Variants in TBX5 observed in about 807,000 individuals in gnomAD.
TBX5 encodes T-box transcription factor 5.
A neutral mutation model predicts 51.1 loss-of-function variants in TBX5; 8 were observed. The ratio of observed to expected loss-of-function variants is 0.16; its 90% CI spans 0.09 to 0.28. The LOEUF is 0.28. TBX5 is among the 10% of genes least tolerant of loss of function. The pLI, the probability that TBX5 is intolerant of heterozygous loss-of-function variation, is 1.00. For synonymous variants in TBX5, 302 were observed against 266.4 expected (o/e 1.13, Z -1.30); for missense variants, 589 against 671.7 (o/e 0.88, Z 1.36).
chr12:114,396,961 A>G (rs1871466903), intron 5 of TBX5, among the ~76,000 whole-genome samples: 2 of 152,160 alleles, frequency 1.3e-5, no homozygotes, highest in African/African-American at 2.4e-5. Flanking sequence ...CGAGCGCTCC[A>G]AGCAGGCTGC....
chr12:114,372,218 T>C (rs748426067), intron 7 of TBX5, among the ~76,000 whole-genome samples: 3 of 152,200 alleles, frequency 2.0e-5, no homozygotes, highest in Non-Finnish European at 4.4e-5. Context: ...GTATAAAAGC[T>C]ACCCTTGTAC....
chr12:114,403,583 G>A (rs1361777688), intron 2 of TBX5, among the ~76,000 whole-genome samples, 169 bp downstream of exon 2: 2 of 152,346 alleles, frequency 1.3e-5, no homozygotes, highest in East Asian at 1.9e-4. Flanking sequence ...GGCAGAGAAA[G>A]GTGGAACTGA....
At chr12:114,377,573 T>C (rs1182013897) in intron 7 of TBX5, among the ~76,000 whole-genome samples, 4 of 151,668 alleles carry the variant, frequency 2.6e-5, no homozygotes, top group Admixed American at 2.6e-4. Flanking sequence ...TTTTTTTTTT[T>C]TATCTTTTTC....
intron 8 of TBX5, among the ~76,000 whole-genome samples, chr12:114,361,721 A>G (rs957337537): frequency 2.6e-5 from 4 of 152,296 alleles, no homozygotes; most frequent in South Asian, 2.1e-4. Flanking sequence ...AAAACCACCC[A>G]TGGAGTTATC....
rs141609745 is a variant in TBX5 at position 114,403,831 on chromosome 12, G to T, written c.68C>A (p.Pro23His). 494 of 1,614,098 alleles carry T rather than the reference G, an allele frequency of 3.1e-4. No individual in the cohort carries two copies. Among genetic ancestry groups the T allele is most frequent in the Non-Finnish European group, 4.0e-4 (467 of 1,180,024 alleles). The change falls in exon 2 of 9, where the codon CCC becomes CAC. Residue 23 changes from proline (P) to histidine (H), a missense_variant. Around this residue, in one of 7 missense-constraint regions of TBX5, gnomAD observed 101 missense variants for 83.3 expected, o/e 1.21. Coordinates refer to ENST00000405440, the MANE Select transcript of TBX5 (RefSeq NM_181486.4). ...CGCGCTCTCGGGTTTCGAATCGCAG[G>T]GCAGGTCTTTTGCGTCAGGCTCCAG... The part of the protein sequence containing the change: ...TPLEPDAKDL[P>H]CDSKPESALG...
chr12:114,378,886 T>C (rs1239140823), intron 7 of TBX5, among the ~76,000 whole-genome samples: 1 of 152,002 alleles, frequency 6.6e-6, no homozygotes, highest in Non-Finnish European at 1.5e-5. Context: ...CCCACCTGAG[T>C]GAGTCACATT....
At chr12:114,378,535 G>A (rs1185600235) in intron 7 of TBX5, among the ~76,000 whole-genome samples, 2 of 152,212 alleles carry the variant, frequency 1.3e-5, no homozygotes, top group Non-Finnish European at 2.9e-5. Context: ...GCCTGCTGAG[G>A]CAGTTTTAAA....
intron 2 of TBX5, among the ~76,000 whole-genome samples, chr12:114,402,337 A>T (rs977355462): frequency 6.6e-6 from 1 of 152,066 alleles, no homozygotes; most frequent in Non-Finnish European, 1.5e-5. Context: ...GGTGGGGGGG[A>T]TAGATAAAAA....
chr12:114,408,156 C>G (rs976991391), upstream of TBX5: 1 of 985,358 alleles, frequency 1.0e-6, no homozygotes. Flanking sequence ...TGGGGGGCAG[C>G]GGCGGGAGGT....
At chr12:114,392,994 C>T (rs1016064959) in intron 6 of TBX5, among the ~76,000 whole-genome samples, 9 of 152,184 alleles carry the variant, frequency 5.9e-5, no homozygotes, top group Non-Finnish European at 1.3e-4. Context: ...GGTTCCCAGA[C>T]AGGCTTTGTG....
chr12:114,398,452 A>G, intron 5 of TBX5, 121 bp downstream of exon 5: 1 of 1,408,904 alleles, frequency 7.1e-7, no homozygotes, highest in Admixed American at 2.0e-5. Context: ...GTGGGGGAAA[A>G]TGGAGGAAAG....
intron 7 of TBX5, among the ~76,000 whole-genome samples, chr12:114,371,411 C>T (rs758439052): frequency 5.3e-5 from 8 of 152,018 alleles, no homozygotes; most frequent in Non-Finnish European, 1.0e-4. Flanking sequence ...ACGCCATTGT[C>T]GCTGGGTCTG....
rs1195677115 is a variant in TBX5, at chr12:114,366,177, T to C, written c.970A>G (p.Thr324Ala). Residue 324 changes from threonine (T) to alanine (A), a missense_variant, in exon 8 of 9, where the codon ACC becomes GCC. Physicochemically the swap from Thr to Ala is moderately conservative, Grantham distance 58. Transcript: ENST00000405440. ...PQEHSQIYHCTKRKEEECSTT... is the reference protein window; with the variant it reads ...PQEHSQIYHCAKRKEEECSTT... Reference sequence around the variant, plus strand: ...TGATCACACTCACCTTTCCTCTTGGTACAATGGTAAATTTGGCTATGCTCC... The same window carrying C: ...TGATCACACTCACCTTTCCTCTTGGCACAATGGTAAATTTGGCTATGCTCC... The C allele has an allele frequency of 1.2e-6, 2 of 1,613,986 alleles. No individual in the cohort carries two copies. The highest frequency in any genetic ancestry group is 2.7e-5 in the African/African-American group (2 of 74,910).
intron 7 of TBX5, among the ~76,000 whole-genome samples, chr12:114,383,192 G>A (rs939596876): frequency 5.3e-5 from 8 of 152,118 alleles, no homozygotes; most frequent in African/African-American, 1.9e-4. Flanking sequence ...CCCAGGAGGG[G>A]TCCTGGGGGA....
chr12:114,357,256 C>T (rs1868977554), intron 8 of TBX5, among the ~76,000 whole-genome samples: 1 of 152,066 alleles, frequency 6.6e-6, no homozygotes, highest in African/African-American at 2.4e-5. Flanking sequence ...GGTCTCCTTT[C>T]ACCACTTCGG....
chr12:114,389,550 C>A (rs1593870422), intron 6 of TBX5, among the ~76,000 whole-genome samples: 1 of 149,806 alleles, frequency 6.7e-6, no homozygotes, highest in East Asian at 2.0e-4. Flanking sequence ...GTCAGGAGAT[C>A]GAGACCATCC....
upstream of TBX5, chr12:114,407,186 C>T: frequency 2.3e-6 from 2 of 878,818 alleles, no homozygotes; most frequent in Non-Finnish European, 2.7e-6. Flanking sequence ...GGAGAATCTC[C>T]AACCCTGAAT....
chr12:114,366,456 A>G, intron 7 of TBX5, 65 bp from the exon 8 acceptor site: 1 of 1,536,214 alleles, frequency 6.5e-7, no homozygotes. Context: ...TGAGTGGCTG[A>G]ACCAGGTGTG....
In TBX5 at chr12:114,356,007, T is replaced by C. The variant is rs140945366; in HGVS notation, c.1082A>G (p.Gln361Arg). 5 of 1,614,080 alleles carry C rather than the reference T, an allele frequency of 3.1e-6. No homozygotes were observed. The highest frequency in any genetic ancestry group is 2.7e-5 in the African/African-American group (2 of 74,942). ...DSFYRSSYPQQQGLGASYRTE... is the reference protein window; with the variant it reads ...DSFYRSSYPQRQGLGASYRTE... ...CCTGTAGGAGGCACCCAGGCCCTGC[T>C]GCTGTGGATAGCTAGAGCGGTAGAA... Residue 361 changes from glutamine (Q) to arginine (R), a missense_variant, in exon 9 of 9, where the codon CAG becomes CGG. Transcript: ENST00000405440.
Sources: gnomAD v4.1 joint callset for allele counts (sites outside exome capture counted in the v4.1 genomes callset) on GRCh38, gnomAD v4.1.1 for gene constraint, gnomAD v4.1.1 regional missense constraint, MANE v1.5 for transcripts, NCBI Gene and HGNC (gene_info 2026-07-23, HGNC 2026-07-21) for gene names.